The following CEP128 variants were observed in gnomAD, a reference collection of about 807,000 sequenced individuals.
CEP128 encodes the protein centrosomal protein 128.
Under a neutral mutation model 156.7 loss-of-function variants are expected in CEP128, and 132 were observed. That is an observed-to-expected ratio of 0.84 (90% CI 0.73 to 0.97). The LOEUF (loss-of-function observed/expected upper bound fraction) is 0.97. Among genes scored for constraint, CEP128 ranks in the 50% least tolerant of loss-of-function variants. The pLI is 0.00. For synonymous variants in CEP128, 469 were observed against 448.9 expected, an observed-to-expected ratio of 1.04 and a Z score of -0.57; for missense variants, 1,252 against 1,281.9, an observed-to-expected ratio of 0.98 and a Z score of 0.36.
intron 19 of CEP128, among the ~76,000 whole-genome samples, chr14:80,633,685 T>C (rs933254213): frequency 1.3e-5 from 2 of 152,194 alleles, no homozygotes; most frequent in Admixed American, 1.3e-4. Flanking sequence ...GGACTATGGA[T>C]TTTAAAAAGT....
chr14:80,767,527 T>C (rs1301449582), intron 16 of CEP128, among the ~76,000 whole-genome samples: 1 of 152,010 alleles, frequency 6.6e-6, no homozygotes, highest in Non-Finnish European at 1.5e-5. Flanking sequence ...CCTACATATA[T>C]CACTTGCCCT....
intron 19 of CEP128, among the ~76,000 whole-genome samples, chr14:80,622,824 G>C (rs201355251): frequency 1.3e-5 from 2 of 149,528 alleles, no homozygotes; most frequent in East Asian, 4.0e-4. Context: ...TGCTGGAGAG[G>C]ATGTGGAGAA....
Position 80,693,834 on chromosome 14 carries a change from G to C in CEP128, c.2806+49241C>G, listed in dbSNP as rs1025740023. The stretch of plus-strand genomic sequence containing the variant: ...TATAATTTGGTTGAAACTTAGGTTT[G>C]CCTTGTCAAAACAGATACACATCTG... On this transcript the variant is annotated intron_variant, in intron 19 of 24. Transcript: ENST00000555265. Among the ~76,000 whole-genome samples the C allele has an allele frequency of 2.6e-5, 4 of 152,208 alleles. 1 individual carries two copies. Among genetic ancestry groups the C allele is most frequent in the Admixed American group, 1.3e-4 (2 of 15,290 alleles).
chr14:80,616,127 C>T (rs575479744), intron 19 of CEP128, among the ~76,000 whole-genome samples: 12 of 152,338 alleles, frequency 7.9e-5, no homozygotes, highest in African/African-American at 2.6e-4. Context: ...TGCTGATAGA[C>T]AGCTGCGTCT....
intron 19 of CEP128, among the ~76,000 whole-genome samples, chr14:80,613,076 G>C (rs1175515037): frequency 7.1e-6 from 1 of 140,980 alleles, no homozygotes; most frequent in African/African-American, 2.7e-5. Flanking sequence ...GGCTGCTCTC[G>C]AACTCCTGAG....
chr14:80,770,061 T>C (rs1458470915), intron 16 of CEP128, among the ~76,000 whole-genome samples: 1 of 152,202 alleles, frequency 6.6e-6, no homozygotes, highest in African/African-American at 2.4e-5. Context: ...AAGCTAATAG[T>C]AAAGGATTTT....
intron 19 of CEP128, among the ~76,000 whole-genome samples, chr14:80,692,298 C>A (rs1896746319): frequency 6.6e-6 from 1 of 152,098 alleles, no homozygotes; most frequent in Admixed American, 6.6e-5. Flanking sequence ...GATCATGGCT[C>A]TAAATCATAT....
intron 13 of CEP128, among the ~76,000 whole-genome samples, chr14:80,824,301 T>C (rs1885353411): frequency 6.6e-6 from 1 of 152,190 alleles, no homozygotes; most frequent in Non-Finnish European, 1.5e-5. Context: ...CCTGGAGACA[T>C]TTTCCCCACT....
intron 24 of CEP128, among the ~76,000 whole-genome samples, chr14:80,501,362 A>G (rs897073459): frequency 6.6e-6 from 1 of 152,180 alleles, no homozygotes; most frequent in African/African-American, 2.4e-5. Flanking sequence ...TTCAACAACA[A>G]CATTGGATTT....
chr14:80,769,777 T>C (rs932040832), intron 16 of CEP128, among the ~76,000 whole-genome samples: 40 of 152,132 alleles, frequency 2.6e-4, no homozygotes, highest in African/African-American at 9.2e-4. Flanking sequence ...TATTGCTTGT[T>C]CAACATTAAA....
At chr14:80,891,036 G>C (rs1046934263) in intron 8 of CEP128, among the ~76,000 whole-genome samples, 2 of 151,972 alleles carry the variant, frequency 1.3e-5, no homozygotes, top group Non-Finnish European at 2.9e-5. Context: ...TTATCCAAAA[G>C]ACAGGCAATA....
intron 14 of CEP128, among the ~76,000 whole-genome samples, chr14:80,786,991 TGAA>T (rs1169794310): frequency 6.6e-6 from 1 of 152,164 alleles, no homozygotes; most frequent in Non-Finnish European, 1.5e-5. Context: ...GGAACACAGA[TGAA>T]GGAGTTCACT....
chr14:80,572,632 T>G (rs1891190590), intron 20 of CEP128, among the ~76,000 whole-genome samples: 1 of 152,124 alleles, frequency 6.6e-6, no homozygotes, highest in Non-Finnish European at 1.5e-5. Flanking sequence ...GCCCACTGAC[T>G]CGAGACTGGC....
intron 22 of CEP128, 51 bp downstream of exon 22, chr14:80,530,758 G>T (rs1218630670): frequency 3.9e-6 from 5 of 1,289,094 alleles, no homozygotes; most frequent in Non-Finnish European, 5.5e-6. Flanking sequence ...AAGATGTCAA[G>T]TGTTCTCACT....
intron 21 of CEP128, among the ~76,000 whole-genome samples, chr14:80,549,793 T>C (rs1890137763): frequency 6.6e-6 from 1 of 152,206 alleles, no homozygotes; most frequent in Non-Finnish European, 1.5e-5. Flanking sequence ...CTTCGGTGCC[T>C]GTAGAGTGAT....
At chr14:80,642,062 C>T (rs887918427) in intron 19 of CEP128, among the ~76,000 whole-genome samples, 16 of 121,174 alleles carry the variant, frequency 1.3e-4, no homozygotes, top group South Asian at 2.5e-4. Context: ...TGCACTCCAG[C>T]CTGGGCGACA....
intron 19 of CEP128, among the ~76,000 whole-genome samples, chr14:80,619,500 G>C (rs555553214): frequency 4.2e-4 from 64 of 151,724 alleles, no homozygotes; most frequent in Non-Finnish European, 7.2e-4. Flanking sequence ...AGGAGTTCAA[G>C]ACCAGCCCGG....
chr14:80,709,328 G>A (rs1340975938), intron 19 of CEP128, among the ~76,000 whole-genome samples: 2 of 151,870 alleles, frequency 1.3e-5, no homozygotes, highest in African/African-American at 4.8e-5. Context: ...AGTACAGATG[G>A]GGTTTCACTA....
At chr14:80,740,590 C>G (rs534287225) in intron 19 of CEP128, among the ~76,000 whole-genome samples, 2 of 152,120 alleles carry the variant, frequency 1.3e-5, no homozygotes, top group South Asian at 4.1e-4. Flanking sequence ...TCACTGTCTA[C>G]TTTTTGGCTA....
Sources: allele counts gnomAD v4.1 joint callset (sites outside exome capture counted in the v4.1 genomes callset), GRCh38; gene constraint gnomAD v4.1.1; transcripts MANE v1.5; gene names NCBI Gene and HGNC (gene_info 2026-07-23, HGNC 2026-07-21).